SPATA6L: variants seen among roughly 807,000 people sequenced by gnomAD.
SPATA6L encodes spermatogenesis associated 6 like.
A neutral mutation model predicts 49.2 loss-of-function variants in SPATA6L; 68 were observed. The observed-to-expected ratio is 1.38, with a 90% confidence interval of 1.14 to 1.69. The LOEUF (loss-of-function observed/expected upper bound fraction) is 1.69, where lower values mean the gene tolerates loss of function less well. Among genes scored for constraint, SPATA6L ranks in the 40% most tolerant of loss-of-function variants. The pLI, the probability that SPATA6L is intolerant of heterozygous loss-of-function variation, is 0.00. For synonymous variants in SPATA6L, 198 were observed against 165.7 expected (o/e 1.19, Z -1.50); for missense variants, 668 against 464.3 (o/e 1.44, Z -4.03).
At chr9:4,665,601 A>T (rs932429786) in intron 1 of SPATA6L, among the ~76,000 whole-genome samples, 4 of 152,238 alleles carry the variant, frequency 2.6e-5, no homozygotes, top group African/African-American at 4.8e-5. Flanking sequence ...GTTACTAACT[A>T]CATGGAAGGA....
chr9:4,648,685 G>A (rs1460799016), intron 3 of SPATA6L, among the ~76,000 whole-genome samples: 2 of 91,134 alleles, frequency 2.2e-5, no homozygotes, highest in African/African-American at 1.1e-4. Flanking sequence ...GGGCGACAGA[G>A]CGAGACCCCG....
intron 4 of SPATA6L, among the ~76,000 whole-genome samples, chr9:4,629,464 C>A (rs977472628): frequency 5.3e-5 from 8 of 151,780 alleles, no homozygotes; most frequent in African/African-American, 1.9e-4. Context: ...GTAACATGTC[C>A]ATCTAGTAAT....
rs1469199756 is a variant in SPATA6L at position 4,666,290 on chromosome 9, C to T, written c.-40G>A. ...GCGAAAGGACTGGAATGAGAAGATC[C>T]TTTTGTGCCGAGCCTTGGACCAATT... On this transcript the variant is annotated 5_prime_UTR_variant, in exon 1 of 12. Transcript: ENST00000682582. The T allele has an allele frequency of 2.5e-6, 4 of 1,613,026 alleles. No individual in the cohort carries two copies. In the African/African-American group the frequency reaches 5.3e-5, roughly 21 times the overall value.
In SPATA6L at chr9:4,598,742, G is replaced by A. The variant is rs1484517109; in HGVS notation, c.*2069C>T. 6.6e-6 allele frequency among the ~76,000 whole-genome samples: 1 copy of A among 152,196 alleles called. No individual in the cohort carries two copies. Among genetic ancestry groups the A allele is most frequent in the African/African-American group, 2.4e-5 (1 of 41,448 alleles). On this transcript the variant is annotated 3_prime_UTR_variant, in exon 12 of 12. Transcript: ENST00000682582. ...GCTTACGTAAGCAGCCCTCTCCTGA[G>A]ACTTATAGCGTAACCTTAATGTAAC...
chr9:4,601,276 T>C (rs936755285), intron 11 of SPATA6L, among the ~76,000 whole-genome samples: 21 of 152,156 alleles, frequency 1.4e-4, no homozygotes, highest in Admixed American at 1.2e-3. Flanking sequence ...TCTTGCTCTG[T>C]AATTTGGCAC....
intron 3 of SPATA6L, among the ~76,000 whole-genome samples, chr9:4,645,502 G>A (rs1835176133): frequency 6.6e-6 from 1 of 152,148 alleles, no homozygotes; most frequent in Non-Finnish European, 1.5e-5. Flanking sequence ...TAGTGAGGGT[G>A]CTGAGCATGC....
chr9:4,644,182 GCAAAAAAAAAAAAAA>G (rs1186103077), intron 3 of SPATA6L, among the ~76,000 whole-genome samples: 1 of 49,394 alleles, frequency 2.0e-5, no homozygotes, highest in African/African-American at 9.4e-5. Context: ...TGCCATCTCT[GCAAAAAAAAAAAAAA>G]AAAAAAAAAA....
intron 3 of SPATA6L, among the ~76,000 whole-genome samples, chr9:4,644,477 T>C (rs10815051): frequency 0.48 from 72,333 of 151,872 alleles, 19,166 homozygotes; most frequent in Non-Finnish European, 0.59. Context: ...TGTTCTTCTA[T>C]CTACAGAGAA....
intron 2 of SPATA6L, among the ~76,000 whole-genome samples, chr9:4,658,595 G>A (rs1289923007): frequency 6.6e-6 from 1 of 152,164 alleles, no homozygotes; most frequent in Non-Finnish European, 1.5e-5. Context: ...TCTGAAATGT[G>A]ACTCAGGCTC....
At chr9:4,622,312 T>C (rs10758638) in intron 7 of SPATA6L, 96 bp downstream of exon 7, 106,382 of 775,326 alleles carry the variant, frequency 0.14, 9,791 homozygotes, top group East Asian at 0.33. Flanking sequence ...CTCACAGTTC[T>C]GAACATCACC....
intron 9 of SPATA6L, among the ~76,000 whole-genome samples, chr9:4,611,790 A>G (rs1826806938): frequency 6.6e-6 from 1 of 151,006 alleles, no homozygotes; most frequent in South Asian, 2.1e-4. Context: ...CTAAAACTTA[A>G]AGTATAATAA....
At chr9:4,622,570 C>T (rs74354938) in intron 6 of SPATA6L, 60 bp from the exon 7 acceptor site, 11 of 1,172,318 alleles carry the variant, frequency 9.4e-6, no homozygotes, top group African/African-American at 6.1e-5. Flanking sequence ...ACCCTCCCCT[C>T]GTTACCGGAA....
At chr9:4,625,693 T>C in intron 5 of SPATA6L, 127 bp from the exon 6 acceptor site, 1 of 585,814 alleles carries the variant, frequency 1.7e-6, no homozygotes, top group Non-Finnish European at 2.7e-6. Context: ...CTCAGATTTA[T>C]AAAACATAAA....
chr9:4,605,305 T>C (rs1824477839), intron 10 of SPATA6L, 42 bp downstream of exon 10: 1 of 1,455,798 alleles, frequency 6.9e-7, no homozygotes, highest in Non-Finnish European at 9.7e-7. Context: ...TGTTCACATA[T>C]TATTTAGTGA....
At chr9:4,628,011 CTT>C in intron 5 of SPATA6L, 1 of 357,998 alleles carries the variant, frequency 2.8e-6, no homozygotes, top group South Asian at 2.1e-5. Context: ...GAAAGACAAA[CTT>C]TATATATTCT....
At chr9:4,619,155 C>CTT (rs57028759) in intron 7 of SPATA6L, among the ~76,000 whole-genome samples, 3,588 of 118,104 alleles carry the variant, frequency 0.03, 124 homozygotes, top group Middle Eastern at 0.095. Context: ...CAGGTTTTCT[C>CTT]TTTTTTTTTT....
At position 4,662,947 on chromosome 9, in the gene SPATA6L, G is replaced by A. The variant is rs928009523; in HGVS notation, c.40-911C>T. 1.2e-6 allele frequency: 2 copies of A among 1,611,788 alleles called. No homozygotes were observed. The highest frequency in any genetic ancestry group is 1.7e-6 in the Non-Finnish European group (2 of 1,179,894). ...ATCAAAGGGCTGGTCCGCAGGCGCC[G>A]CCCGGCCCACAACCAGATGGACATG... On this transcript the variant is annotated intron_variant, in intron 1 of 11. Coordinates refer to ENST00000682582, the MANE Select transcript of SPATA6L (RefSeq NM_001353486.2). The surrounding 1 kb of genome is among the most constrained non-coding windows in gnomAD (Gnocchi z 4.9).
downstream of SPATA6L, among the ~76,000 whole-genome samples, chr9:4,593,358 T>G (rs1374716145): frequency 6.6e-6 from 1 of 152,170 alleles, no homozygotes; most frequent in East Asian, 1.9e-4. Context: ...CTCATCTAGC[T>G]GCCCAGCCTC....
At chr9:4,618,308 A>T (rs888044600) in intron 8 of SPATA6L, among the ~76,000 whole-genome samples, 198 bp from the exon 9 acceptor site, 1 of 152,136 alleles carries the variant, frequency 6.6e-6, no homozygotes, top group African/African-American at 2.4e-5. Context: ...ACTGATAAAA[A>T]TAACCAAAAG....
Sources: gnomAD v4.1 joint callset for allele counts (sites outside exome capture counted in the v4.1 genomes callset) on GRCh38, gnomAD v4.1.1 for gene constraint, Gnocchi (gnomAD v3.1) non-coding constraint, MANE v1.5 for transcripts, NCBI Gene and HGNC (gene_info 2026-07-23, HGNC 2026-07-21) for gene names.